SMAD3: variants seen among roughly 807,000 people sequenced by gnomAD.
SMAD3 encodes the protein SMAD family member 3, also known as MAD homolog 3.
SMAD3 carries 12 observed loss-of-function variants against 51.8 expected under a neutral mutation model. The ratio of observed to expected loss-of-function variants is 0.23; its 90% CI spans 0.15 to 0.38. SMAD3 has a LOEUF of 0.38. SMAD3 is among the 10% of genes least tolerant of loss of function. The probability of loss-of-function intolerance (pLI) is 1.00; values close to 1 mark genes in which losing one functional copy is unlikely to be tolerated. For synonymous variants in SMAD3, 238 were observed against 227.7 expected (o/e 1.05, Z -0.41); for missense variants, 294 against 565.6 (o/e 0.52, Z 4.87).
rs770098673 is a variant in SMAD3, at chr15:67,066,361, G to T, written c.206+1G>T. The T allele has an allele frequency of 6.2e-7, 1 of 1,611,594 alleles. No homozygotes were observed. The highest frequency in any genetic ancestry group is 8.5e-7 in the Non-Finnish European group (1 of 1,179,004). ...ACACCAAGTGCATCACCATCCCCAG[G>T]TGGGGGCCCGCCCGGGGGGGACCCG... On this transcript the variant is annotated splice_donor_variant, in intron 1 of 8. Coordinates refer to ENST00000327367, the MANE Select transcript of SMAD3 (RefSeq NM_005902.4). LOFTEE classifies it high-confidence loss of function.
chr15:67,098,902 G>C, intron 1 of SMAD3: 1 of 702,344 alleles, frequency 1.4e-6, no homozygotes. Context: ...TTCCTGAGGG[G>C]GCCAGTGTGG....
intron 1 of SMAD3, among the ~76,000 whole-genome samples, chr15:67,131,795 G>A (rs1024232117): frequency 3.4e-4 from 51 of 152,116 alleles, no homozygotes; most frequent in Admixed American, 2.0e-3. Context: ...GTTTTACCAC[G>A]TGTTAATTGG....
intron 1 of SMAD3, among the ~76,000 whole-genome samples, chr15:67,105,949 G>A (rs1337856132): frequency 6.6e-6 from 1 of 152,110 alleles, no homozygotes; most frequent in Non-Finnish European, 1.5e-5. Flanking sequence ...CCCCTTCCCA[G>A]TGAAAAGCAC....
chr15:67,164,692 T>G (rs1395943019), intron 1 of SMAD3, among the ~76,000 whole-genome samples: 1 of 151,966 alleles, frequency 6.6e-6, no homozygotes, highest in Non-Finnish European at 1.5e-5. Flanking sequence ...CAGCTGGGAG[T>G]CCTCACGGGG....
At chr15:67,071,972 G>A (rs1253448375) in intron 1 of SMAD3, among the ~76,000 whole-genome samples, 2 of 152,108 alleles carry the variant, frequency 1.3e-5, no homozygotes, top group East Asian at 3.9e-4. Context: ...GCTTTTAGTG[G>A]TATATTTTTT....
chr15:67,110,742 A>C (rs927996463), intron 1 of SMAD3, among the ~76,000 whole-genome samples: 1 of 152,228 alleles, frequency 6.6e-6, no homozygotes, highest in African/African-American at 2.4e-5. Flanking sequence ...AAATCATTAC[A>C]TAATAGTTAG....
In SMAD3 at chr15:67,193,397, C is replaced by A; in HGVS notation, c.*2861C>A. The A allele has an allele frequency of 4.3e-6, 1 of 233,736 alleles. No homozygotes were observed. The allele number at this position is 233,736 out of a possible 1,614,324, so 14.5% of individuals were successfully genotyped here. On this transcript the variant is annotated 3_prime_UTR_variant, in exon 9 of 9. Coordinates refer to ENST00000327367, the MANE Select transcript of SMAD3 (RefSeq NM_005902.4). ...GGACACAGATCCTTGTCTTCAGCACCTTCCAAGGAGCCAACTTTTATTCCC... is the reference window on the plus strand; with the variant it reads ...GGACACAGATCCTTGTCTTCAGCACATTCCAAGGAGCCAACTTTTATTCCC...
intron 1 of SMAD3, among the ~76,000 whole-genome samples, chr15:67,077,477 C>T (rs1960195665): frequency 6.6e-6 from 1 of 152,132 alleles, no homozygotes; most frequent in Non-Finnish European, 1.5e-5. Context: ...ACTGAATGTG[C>T]CTTTGTTTGC....
chr15:67,067,265 C>T (rs1260537040), intron 1 of SMAD3, among the ~76,000 whole-genome samples: 1 of 152,306 alleles, frequency 6.6e-6, no homozygotes, highest in Admixed American at 6.5e-5. Context: ...TTATCCTTCC[C>T]GTTGCGCGCT....
intron 1 of SMAD3, among the ~76,000 whole-genome samples, chr15:67,118,913 C>T (rs950698592): frequency 2.6e-5 from 4 of 152,220 alleles, no homozygotes; most frequent in African/African-American, 7.2e-5. Flanking sequence ...GAATCATGCA[C>T]AAGCAGGTGC....
intron 1 of SMAD3, among the ~76,000 whole-genome samples, chr15:67,123,413 C>T (rs1318342300): frequency 5.3e-5 from 8 of 152,168 alleles, no homozygotes; most frequent in African/African-American, 1.9e-4. Context: ...GCAGGAGAAT[C>T]GCTTGAACCC....
intron 1 of SMAD3, among the ~76,000 whole-genome samples, chr15:67,116,549 T>C (rs945212545): frequency 6.6e-6 from 1 of 151,976 alleles, no homozygotes; most frequent in Non-Finnish European, 1.5e-5. Context: ...TGGAGAAGCG[T>C]GTGGTAAAGG....
intron 1 of SMAD3, among the ~76,000 whole-genome samples, chr15:67,130,643 A>G (rs1181044642): frequency 6.6e-6 from 1 of 152,204 alleles, no homozygotes; most frequent in East Asian, 1.9e-4. Context: ...TGCCCTACAC[A>G]GAGAAAGAGA....
chr15:67,100,561 A>G (rs1016008970), intron 1 of SMAD3, among the ~76,000 whole-genome samples: 1 of 152,162 alleles, frequency 6.6e-6, no homozygotes, highest in African/African-American at 2.4e-5. Flanking sequence ...TGTATTAATT[A>G]CAATATTAAT....
In SMAD3 at chr15:67,065,630, G is replaced by C. The variant is rs1382742202; in HGVS notation, c.-525G>C. ...ACACAGACTGGGAGCGGGCGGGAGC[G>C]GGAGCGCGGCGCACGCCCCGGGCCG... On this transcript the variant is annotated 5_prime_UTR_variant, in exon 1 of 9. Transcript: ENST00000327367. 1.3e-5 allele frequency among the ~76,000 whole-genome samples: 2 copies of C among 151,106 alleles called. No individual in the cohort carries two copies.
intron 1 of SMAD3, among the ~76,000 whole-genome samples, chr15:67,163,999 C>T (rs901236884): frequency 1.3e-5 from 2 of 149,068 alleles, no homozygotes; most frequent in Admixed American, 6.7e-5. Context: ...TCACTCCCTG[C>T]TCACCACAAA....
chr15:67,142,197 A>ACCCCCCCC (rs1230384756), intron 1 of SMAD3, among the ~76,000 whole-genome samples: 2 of 114,166 alleles, frequency 1.8e-5, no homozygotes, highest in Admixed American at 1.0e-4. Context: ...TCTCCTCCCC[A>ACCCCCCCC]CACCCCCCCC....
intron 1 of SMAD3, among the ~76,000 whole-genome samples, chr15:67,127,783 C>T (rs1028030746): frequency 1.3e-5 from 2 of 152,164 alleles, no homozygotes; most frequent in Non-Finnish European, 1.5e-5. Flanking sequence ...GTGTCGGGCT[C>T]AGGGCCTTTC....
At chr15:67,075,954 C>G (rs1247621188) in intron 1 of SMAD3, among the ~76,000 whole-genome samples, 2 of 151,810 alleles carry the variant, frequency 1.3e-5, no homozygotes, top group African/African-American at 2.4e-5. Context: ...TAAGATGTAT[C>G]AAGTACTTTG....
Sources: gnomAD v4.1 joint callset for allele counts (sites outside exome capture counted in the v4.1 genomes callset) on GRCh38, gnomAD v4.1.1 for gene constraint, MANE v1.5 for transcripts, NCBI Gene and HGNC (gene_info 2026-07-23, HGNC 2026-07-21) for gene names.